Variants in OXR1 observed in about 807,000 individuals in gnomAD.
OXR1 encodes the protein oxidation resistance 1.
OXR1 carries 41 observed loss-of-function variants against 104.6 expected under a neutral mutation model. That is an observed-to-expected ratio of 0.39 (90% confidence interval 0.31 to 0.51). The LOEUF is 0.51. Among genes scored for constraint, OXR1 ranks in the 20% least tolerant of loss-of-function variants. The pLI is 0.77. For missense variants in OXR1, 955 were observed against 1,031.9 expected, an observed-to-expected ratio of 0.93 and a Z score of 1.02; for synonymous variants, 348 against 348.4, an observed-to-expected ratio of 1.00 and a Z score of 0.01.
chr8:106,661,639 G>A (rs572095737), intron 3 of OXR1, among the ~76,000 whole-genome samples: 12 of 151,624 alleles, frequency 7.9e-5, no homozygotes, highest in Admixed American at 3.9e-4. Context: ...ACTTACTGTC[G>A]TATAAACATG....
At chr8:106,358,687 A>G (rs1816092809) in intron 1 of OXR1, among the ~76,000 whole-genome samples, 1 of 152,178 alleles carries the variant, frequency 6.6e-6, no homozygotes, top group Non-Finnish European at 1.5e-5. Context: ...ATTTTGATTC[A>G]AAATCATAGG....
chr8:106,368,052 C>T (rs1174051845), intron 2 of OXR1, among the ~76,000 whole-genome samples: 1 of 151,820 alleles, frequency 6.6e-6, no homozygotes, highest in Non-Finnish European at 1.5e-5. Flanking sequence ...GAAATTTTGC[C>T]CTCCCTTACT....
intron 2 of OXR1, among the ~76,000 whole-genome samples, chr8:106,489,905 T>C (rs1810962570): frequency 6.6e-6 from 1 of 152,198 alleles, no homozygotes; most frequent in Non-Finnish European, 1.5e-5. Context: ...GGTGATCATA[T>C]AATTTTTGTC....
chr8:106,525,084 C>T (rs1484190014), intron 3 of OXR1, among the ~76,000 whole-genome samples: 1 of 152,154 alleles, frequency 6.6e-6, no homozygotes, highest in East Asian at 1.9e-4. Flanking sequence ...GTGAGGCACA[C>T]AGTTAAGTGC....
At chr8:106,432,781 T>C (rs895733061) in intron 2 of OXR1, among the ~76,000 whole-genome samples, 1 of 152,194 alleles carries the variant, frequency 6.6e-6, no homozygotes, top group Non-Finnish European at 1.5e-5. Context: ...TCAGGGACCT[T>C]CTATTATTCT....
intron 16 of OXR1, 39 bp from the exon 17 acceptor site, chr8:106,750,767 A>C (rs771708876): frequency 9.0e-6 from 13 of 1,446,606 alleles, no homozygotes; most frequent in Non-Finnish European, 1.2e-5. Flanking sequence ...TTATAACTTA[A>C]GGCATAAATA....
intron 1 of OXR1, among the ~76,000 whole-genome samples, chr8:106,315,598 G>A (rs1279491232): frequency 6.6e-6 from 1 of 152,188 alleles, no homozygotes; most frequent in Admixed American, 6.5e-5. Context: ...TCATTCACTA[G>A]TGGGACTTGC....
chr8:106,513,289 A>G (rs1211213362), intron 2 of OXR1, among the ~76,000 whole-genome samples: 1 of 152,042 alleles, frequency 6.6e-6, no homozygotes, highest in African/African-American at 2.4e-5. Context: ...TTCACAGAGT[A>G]GGAAAGTCAA....
chr8:106,582,328 A>G (rs1818308537), intron 3 of OXR1, among the ~76,000 whole-genome samples: 1 of 151,832 alleles, frequency 6.6e-6, no homozygotes, highest in Admixed American at 6.6e-5. Context: ...TTGGAACTAT[A>G]GGAGTAAGAG....
chr8:106,473,111 G>C (rs1029567010), intron 2 of OXR1, among the ~76,000 whole-genome samples: 4 of 151,884 alleles, frequency 2.6e-5, no homozygotes, highest in African/African-American at 7.2e-5. Flanking sequence ...ATTTGGAAAA[G>C]GAGAGAAAAT....
intron 1 of OXR1, among the ~76,000 whole-genome samples, chr8:106,348,801 A>G (rs1815604378): frequency 6.6e-6 from 1 of 152,172 alleles, no homozygotes; most frequent in Non-Finnish European, 1.5e-5. Context: ...TTCAGCAGAG[A>G]GTGGAAACAA....
Position 106,284,464 on chromosome 8 carries a change from G to T in OXR1, c.-139+14097G>T, listed in dbSNP as rs556057012. Among the ~76,000 whole-genome samples the T allele has an allele frequency of 2.6e-5, 4 of 152,210 alleles. No individual in the cohort carries two copies. In the East Asian group the frequency reaches 7.7e-4, roughly 29 times the overall value. The stretch of plus-strand genomic sequence containing the variant: ...AGGATTTTGGTCTTTGAAGCAGGGG[G>T]TGACATGATCAACCATCCTTTATTG... On this transcript the variant is annotated intron_variant, in intron 1 of 16. Coordinates refer to ENST00000517566, the MANE Select transcript of OXR1 (RefSeq NM_001198533.2).
chr8:106,750,199 C>G (rs900563018), intron 16 of OXR1, among the ~76,000 whole-genome samples: 18 of 151,136 alleles, frequency 1.2e-4, no homozygotes, highest in Non-Finnish European at 2.9e-5. Context: ...AAGAAAAACT[C>G]ATAATACCAG....
chr8:106,694,766 AATAG>A (rs1454461102), intron 7 of OXR1, among the ~76,000 whole-genome samples: 1 of 108,218 alleles, frequency 9.2e-6, no homozygotes, highest in Non-Finnish European at 1.7e-5. Context: ...ATATATATTT[AATAG>A]ATAAATACAT....
At chr8:106,735,666 A>G (rs939367169) in intron 11 of OXR1, among the ~76,000 whole-genome samples, 1 of 152,174 alleles carries the variant, frequency 6.6e-6, no homozygotes, top group Non-Finnish European at 1.5e-5. Context: ...ATGAAAAAAG[A>G]AAGAAAAATA....
intron 11 of OXR1, among the ~76,000 whole-genome samples, chr8:106,725,110 G>A (rs1409767033): frequency 6.6e-6 from 1 of 152,132 alleles, no homozygotes; most frequent in African/African-American, 2.4e-5. Flanking sequence ...TCCTATGAGG[G>A]ACTGTGGGAG....
At chr8:106,280,013 C>G (rs900072169) in intron 1 of OXR1, among the ~76,000 whole-genome samples, 5 of 151,606 alleles carry the variant, frequency 3.3e-5, no homozygotes, top group South Asian at 2.1e-4. Context: ...GAGAGAGAGA[C>G]AGAGTTTGGG....
chr8:106,411,107 G>A (rs1161681085), intron 2 of OXR1, among the ~76,000 whole-genome samples: 1 of 152,038 alleles, frequency 6.6e-6, no homozygotes, highest in Non-Finnish European at 1.5e-5. Context: ...TAAAGAAAAA[G>A]CATTTTATGA....
intron 3 of OXR1, among the ~76,000 whole-genome samples, chr8:106,603,102 G>A (rs1049464591): frequency 1.3e-5 from 2 of 152,194 alleles, no homozygotes; most frequent in African/African-American, 4.8e-5. Flanking sequence ...TTCATAGCCT[G>A]TATATCTTGA....
Sources: gnomAD v4.1 joint callset for allele counts (sites outside exome capture counted in the v4.1 genomes callset) on GRCh38, gnomAD v4.1.1 for gene constraint, MANE v1.5 for transcripts, NCBI Gene and HGNC (gene_info 2026-07-23, HGNC 2026-07-21) for gene names.